STARD3NL: variants seen among roughly 807,000 people sequenced by gnomAD.
STARD3NL encodes STARD3 N-terminal-like protein.
Under a neutral mutation model 30.9 loss-of-function variants are expected in STARD3NL, and 17 were observed. The observed-to-expected ratio is 0.55, with a 90% confidence interval of 0.38 to 0.82. The LOEUF is 0.82. Among genes scored for constraint, STARD3NL ranks in the 40% least tolerant of loss-of-function variants. The pLI, the probability that STARD3NL is intolerant of heterozygous loss-of-function variation, is 0.00. For synonymous variants in STARD3NL, 112 were observed against 100.5 expected (o/e 1.11, Z -0.69); for missense variants, 234 against 277.6 (o/e 0.84, Z 1.12).
At chr7:38,197,571 C>A (rs1353789603) in intron 1 of STARD3NL, among the ~76,000 whole-genome samples, 1 of 152,116 alleles carries the variant, frequency 6.6e-6, no homozygotes, top group Non-Finnish European at 1.5e-5. Flanking sequence ...ATGTAGACAG[C>A]CTCATGTAGG....
intron 6 of STARD3NL, among the ~76,000 whole-genome samples, chr7:38,218,384 T>G (rs1039944523): frequency 6.6e-6 from 1 of 152,234 alleles, no homozygotes; most frequent in African/African-American, 2.4e-5. Flanking sequence ...AAAAACCCAT[T>G]AATCAGACTG....
chr7:38,212,808 T>G (rs1013858970), intron 2 of STARD3NL, among the ~76,000 whole-genome samples: 1 of 152,182 alleles, frequency 6.6e-6, no homozygotes, highest in Admixed American at 6.5e-5. Flanking sequence ...CAAAGATGAC[T>G]CTAAAGTTTC....
At chr7:38,186,012 T>C (rs1415137373) in intron 1 of STARD3NL, among the ~76,000 whole-genome samples, 1 of 152,190 alleles carries the variant, frequency 6.6e-6, no homozygotes, top group African/African-American at 2.4e-5. Flanking sequence ...AGGAATGACA[T>C]TATGTGATGC....
chr7:38,184,258 G>A (rs540875820), intron 1 of STARD3NL, among the ~76,000 whole-genome samples: 241 of 152,274 alleles, frequency 1.6e-3, no homozygotes, highest in Non-Finnish European at 2.1e-3. Flanking sequence ...CAAGGAAAAG[G>A]CATTCCAGGC....
intron 1 of STARD3NL, among the ~76,000 whole-genome samples, chr7:38,184,437 T>TC (rs1421072128): frequency 6.6e-6 from 1 of 151,550 alleles, no homozygotes; most frequent in African/African-American, 2.4e-5. Flanking sequence ...TGGTGAGGCC[T>TC]CAGGAGGCTT....
At chr7:38,194,694 A>G (rs1475156713) in intron 1 of STARD3NL, among the ~76,000 whole-genome samples, 2 of 152,032 alleles carry the variant, frequency 1.3e-5, no homozygotes, top group Non-Finnish European at 2.9e-5. Flanking sequence ...ATGGAAGTCT[A>G]TTTTATGCAC....
At chr7:38,191,401 T>A (rs1007262083) in intron 1 of STARD3NL, among the ~76,000 whole-genome samples, 7 of 152,250 alleles carry the variant, frequency 4.6e-5, no homozygotes, top group Admixed American at 3.9e-4. Context: ...AGCCCCTTCA[T>A]GACAGCCTAC....
At chr7:38,229,318 G>A (rs1283779886) in intron 8 of STARD3NL, among the ~76,000 whole-genome samples, 2 of 152,214 alleles carry the variant, frequency 1.3e-5, no homozygotes, top group Admixed American at 1.3e-4. Context: ...CTGGGGCTCA[G>A]GCCCACACTT....
At chr7:38,216,242 T>A (rs1786104297) in intron 4 of STARD3NL, 1 of 152,230 alleles carries the variant, frequency 6.6e-6, no homozygotes, top group African/African-American at 2.4e-5. Flanking sequence ...GACAGTATCT[T>A]CAATATCTGC....
In STARD3NL at chr7:38,219,598, C is replaced by T. The variant is rs767601192; in HGVS notation, c.587C>T (p.Ala196Val). 1 of 1,612,736 alleles carries T rather than the reference C, an allele frequency of 6.2e-7. No individual in the cohort carries two copies. Among genetic ancestry groups the T allele is most frequent in the Non-Finnish European group, 8.5e-7 (1 of 1,178,948 alleles). Residue 196 changes from alanine (A) to valine (V), a missense_variant, in exon 7 of 9, where the codon GCA becomes GTA. Coordinates refer to ENST00000009041, the MANE Select transcript of STARD3NL (RefSeq NM_032016.4). ...LLIVQDASER[A>V]ALIPGGLSDG... The stretch of plus-strand genomic sequence containing the variant: ...ATAGTTCAGGATGCTTCAGAGAGGG[C>T]AGCACTTATACCTGGTGGTCTTTCT...
intron 1 of STARD3NL, among the ~76,000 whole-genome samples, chr7:38,187,688 T>C (rs1251367870): frequency 6.6e-6 from 1 of 152,242 alleles, no homozygotes; most frequent in Non-Finnish European, 1.5e-5. Context: ...GCCTATCTTA[T>C]GTTTTAAAAT....
At chr7:38,204,369 C>A (rs1340210182) in intron 1 of STARD3NL, among the ~76,000 whole-genome samples, 1 of 152,194 alleles carries the variant, frequency 6.6e-6, no homozygotes, top group African/African-American at 2.4e-5. Flanking sequence ...ACTGAACAAC[C>A]TGCTCCTGAA....
At chr7:38,221,449 A>G (rs953217692) in intron 7 of STARD3NL, among the ~76,000 whole-genome samples, 2 of 152,128 alleles carry the variant, frequency 1.3e-5, no homozygotes, top group East Asian at 3.8e-4. Flanking sequence ...AATGCCTGGC[A>G]TATTAGATGT....
At chr7:38,202,940 A>G (rs867281936) in intron 1 of STARD3NL, among the ~76,000 whole-genome samples, 1 of 151,976 alleles carries the variant, frequency 6.6e-6, no homozygotes, top group African/African-American at 2.4e-5. Flanking sequence ...TCCATGGTGT[A>G]TATGTGCCAC....
At chr7:38,228,686 AT>A (rs1352837462) in intron 7 of STARD3NL, 112 bp from the exon 8 acceptor site, 2 of 779,398 alleles carry the variant, frequency 2.6e-6, no homozygotes, top group Non-Finnish European at 4.0e-6. Flanking sequence ...GATTAAACAT[AT>A]GTTTAATGTT....
intron 1 of STARD3NL, among the ~76,000 whole-genome samples, chr7:38,197,133 C>CT (rs201707451): frequency 1.1e-5 from 1 of 92,550 alleles, no homozygotes; most frequent in Non-Finnish European, 2.4e-5. Flanking sequence ...ATAGCATTAC[C>CT]TTTTTTCTTT....
chr7:38,204,934 A>G (rs1250622407), intron 1 of STARD3NL, among the ~76,000 whole-genome samples: 1 of 152,220 alleles, frequency 6.6e-6, no homozygotes, highest in Non-Finnish European at 1.5e-5. Context: ...AGACTAAACC[A>G]GGAAGAAGTT....
At chr7:38,208,766 A>G (rs1254246881) in intron 2 of STARD3NL, among the ~76,000 whole-genome samples, 1 of 152,224 alleles carries the variant, frequency 6.6e-6, no homozygotes, top group Non-Finnish European at 1.5e-5. Flanking sequence ...AGAATTTATT[A>G]TAATACAAAA....
At chr7:38,213,863 A>G (rs1387930275) in intron 2 of STARD3NL, among the ~76,000 whole-genome samples, 2 of 152,196 alleles carry the variant, frequency 1.3e-5, no homozygotes, top group Admixed American at 6.5e-5. Context: ...GCCAGGAGAA[A>G]TAAAAATGAG....
Sources: allele counts gnomAD v4.1 joint callset (sites outside exome capture counted in the v4.1 genomes callset), GRCh38; gene constraint gnomAD v4.1.1; transcripts MANE v1.5; gene names NCBI Gene and HGNC (gene_info 2026-07-23, HGNC 2026-07-21).